Variants in SAP130 observed in about 807,000 individuals in gnomAD.
SAP130 encodes the protein Sin3A associated protein 130.
Under a neutral mutation model 103.2 loss-of-function variants are expected in SAP130, and 16 were observed. That is an observed-to-expected ratio of 0.16 (90% CI 0.10 to 0.24). SAP130 has a LOEUF of 0.24. Ranked by LOEUF, SAP130 falls within the 10% of genes least tolerant of loss-of-function variation. The pLI is 1.00. For missense variants in SAP130, 990 were observed against 1,359.7 expected (o/e 0.73, Z 4.28); for synonymous variants, 477 against 497.0 (o/e 0.96, Z 0.53).
In SAP130 at chr2:127,942,214, A is replaced by T; in HGVS notation, c.3016-50T>A. 3.3e-6 allele frequency: 5 copies of T among 1,523,954 alleles called. No homozygotes were observed. Among genetic ancestry groups the T allele is most frequent in the Non-Finnish European group, 4.4e-6 (5 of 1,130,944 alleles). The allele number at this position is 1,523,954 out of a possible 1,614,324, so 94.4% of individuals were successfully genotyped here. On this transcript the variant is annotated intron_variant, in intron 20 of 20. Coordinates refer to ENST00000643581, the MANE Select transcript of SAP130 (RefSeq NM_001330301.2). The surrounding 1 kb of genome is among the most constrained non-coding windows in gnomAD (Gnocchi z 4.8). ...CAATCAGTGACCATGAGGATAGTAC[A>T]GCTTTTAAAAAACTGCTTGCCTTTG...
intron 2 of SAP130, among the ~76,000 whole-genome samples, chr2:128,018,410 A>G (rs1277305941): frequency 6.7e-6 from 1 of 149,058 alleles, no homozygotes; most frequent in Non-Finnish European, 1.5e-5. Context: ...ACCTGAGCCC[A>G]AAAGGCAGAG....
chr2:127,961,745 AC>A (rs1312561871), intron 15 of SAP130, among the ~76,000 whole-genome samples: 20 of 152,300 alleles, frequency 1.3e-4, no homozygotes, highest in South Asian at 4.1e-4. Flanking sequence ...ATGCCCAGCC[AC>A]AGTGGACGAA....
chr2:128,015,041 TAAG>T (rs1373626259), intron 4 of SAP130, 127 bp from the exon 5 acceptor site: 3 of 671,052 alleles, frequency 4.5e-6, no homozygotes, highest in Admixed American at 5.1e-5. Flanking sequence ...GAGAAAGGGC[TAAG>T]GACATTCAGC....
intron 11 of SAP130, among the ~76,000 whole-genome samples, chr2:127,994,190 A>G (rs546972656): frequency 9.8e-5 from 15 of 152,378 alleles, no homozygotes; most frequent in Non-Finnish European, 1.6e-4. Flanking sequence ...TAAAAGATAA[A>G]AATATTCGAC....
intron 7 of SAP130, among the ~76,000 whole-genome samples, chr2:128,007,698 T>C (rs1004843189): frequency 1.5e-4 from 23 of 152,154 alleles, no homozygotes; most frequent in African/African-American, 4.8e-4. Flanking sequence ...GTCACACAAG[T>C]AGATAACAGA....
chr2:127,958,478 C>T (rs576044778), intron 15 of SAP130, among the ~76,000 whole-genome samples: 8 of 152,226 alleles, frequency 5.3e-5, no homozygotes, highest in East Asian at 3.9e-4. Flanking sequence ...ATCATTAAAG[C>T]GTTCAGAAAG....
intron 15 of SAP130, among the ~76,000 whole-genome samples, chr2:127,966,700 T>C (rs1363023885): frequency 3.3e-5 from 5 of 152,160 alleles, no homozygotes; most frequent in African/African-American, 1.2e-4. Context: ...TGAAATTCCG[T>C]CTCATGAAAA....
At chr2:128,016,696 T>C (rs1684813106) in intron 3 of SAP130, 149 bp from the exon 4 acceptor site, 1 of 841,426 alleles carries the variant, frequency 1.2e-6, no homozygotes, top group Non-Finnish European at 1.8e-6. Context: ...CATCACAGTG[T>C]TTCCACTGAA....
intron 14 of SAP130, among the ~76,000 whole-genome samples, chr2:127,979,895 T>C (rs1306965541): frequency 6.6e-6 from 1 of 151,550 alleles, no homozygotes; most frequent in East Asian, 1.9e-4. Context: ...TTTTTTTTTT[T>C]GAGACAGAGT....
Position 127,998,745 on chromosome 2 carries a change from C to T in SAP130, c.1213+996G>A, listed in dbSNP as rs184084844. On this transcript the variant is annotated intron_variant, in intron 10 of 20. Coordinates refer to ENST00000643581, the MANE Select transcript of SAP130 (RefSeq NM_001330301.2). ...AAGAACCAATCTCTAAAAAATTCTT[C>T]ATGGTGGAGGGTCAGGAGGAAACTA... Among the ~76,000 whole-genome samples the T allele has an allele frequency of 3.3e-4, 51 of 152,284 alleles. 1 individual carries two copies. The South Asian group carries it at 6.4e-3, about 19-fold the overall frequency.
chr2:128,027,510 G>A (rs954794495), intron 1 of SAP130, among the ~76,000 whole-genome samples: 1 of 152,032 alleles, frequency 6.6e-6, no homozygotes, highest in Non-Finnish European at 1.5e-5. Flanking sequence ...CCCGGCGAAG[G>A]GGGCGGGGAG....
At chr2:127,950,533 A>G in intron 16 of SAP130, 125 bp from the exon 17 acceptor site, 1 of 1,121,880 alleles carries the variant, frequency 8.9e-7, no homozygotes, top group Non-Finnish European at 1.3e-6. Context: ...TTGTCTTCCT[A>G]TGTGTCTGGC....
At chr2:127,980,637 G>A (rs1259318098) in intron 14 of SAP130, among the ~76,000 whole-genome samples, 1 of 152,094 alleles carries the variant, frequency 6.6e-6, no homozygotes, top group Non-Finnish European at 1.5e-5. Context: ...GTTATACATG[G>A]TATTTTATAC....
intron 4 of SAP130, 111 bp from the exon 5 acceptor site, chr2:128,015,025 T>C: frequency 1.3e-6 from 1 of 757,438 alleles, no homozygotes; most frequent in African/African-American, 1.7e-5. Flanking sequence ...ATAGTGAGTA[T>C]CCCAAGAGAA....
intron 1 of SAP130, among the ~76,000 whole-genome samples, chr2:128,026,533 A>G (rs1558710560): frequency 6.6e-6 from 1 of 152,220 alleles, no homozygotes; most frequent in Non-Finnish European, 1.5e-5. Flanking sequence ...CTCCATAAAT[A>G]CTTGTGGATT....
chr2:127,995,169 C>T (rs535210413), intron 11 of SAP130, among the ~76,000 whole-genome samples: 60 of 152,342 alleles, frequency 3.9e-4, no homozygotes, highest in African/African-American at 1.3e-3. Flanking sequence ...CTTTCTACCT[C>T]TGCCTGCTCA....
intron 2 of SAP130, among the ~76,000 whole-genome samples, chr2:128,024,973 G>A (rs1417964523): frequency 4.4e-5 from 6 of 135,246 alleles, no homozygotes; most frequent in African/African-American, 1.5e-4. Flanking sequence ...CTGTACTGCC[G>A]CTTGAGTGAC....
At position 127,989,402 on chromosome 2, in the gene SAP130, G is replaced by A. The variant is rs1682629721; in HGVS notation, c.1780+162C>T. On this transcript the variant is annotated intron_variant, in intron 13 of 20. Coordinates refer to ENST00000643581, the MANE Select transcript of SAP130 (RefSeq NM_001330301.2). The surrounding 1 kb of genome is among the most constrained non-coding windows in gnomAD (Gnocchi z 4.6). The stretch of plus-strand genomic sequence containing the variant: ...AGGTATATTATTTCTAACGTTTACA[G>A]TGACCCTGAAACTCTAAGTTCTAAG... Among the ~76,000 whole-genome samples, 1 of 152,138 alleles carries A rather than the reference G, an allele frequency of 6.6e-6. No homozygotes were observed. Among genetic ancestry groups the A allele is most frequent in the South Asian group, 2.1e-4 (1 of 4,830 alleles).
At chr2:128,019,022 C>T (rs1002470365) in intron 2 of SAP130, among the ~76,000 whole-genome samples, 2 of 151,092 alleles carry the variant, frequency 1.3e-5, no homozygotes, top group African/African-American at 4.9e-5. Context: ...CACTTGAACC[C>T]AGGAGATGGG....
Sources: gnomAD v4.1 joint callset for allele counts (sites outside exome capture counted in the v4.1 genomes callset) on GRCh38, gnomAD v4.1.1 for gene constraint, Gnocchi (gnomAD v3.1) non-coding constraint, MANE v1.5 for transcripts, NCBI Gene and HGNC (gene_info 2026-07-23, HGNC 2026-07-21) for gene names.